Variants in NLGN4Y observed in about 807,000 individuals in gnomAD.
The protein encoded by NLGN4Y is neuroligin 4 Y-linked.
A neutral mutation model predicts 8.4 loss-of-function variants in NLGN4Y; 4 were observed. The ratio of observed to expected loss-of-function variants is 0.48; its 90% CI spans 0.23 to 1.09. NLGN4Y has a LOEUF of 1.09. Among genes scored for constraint, NLGN4Y ranks in the 50% least tolerant of loss-of-function variants. The pLI, the probability that NLGN4Y is intolerant of heterozygous loss-of-function variation, is 0.19. For missense variants in NLGN4Y, 90 were observed against 192.3 expected (o/e 0.47, Z 3.15); for synonymous variants, 35 against 75.6 (o/e 0.46, Z 2.78).
At chrY:14,553,788 T>C in intron 1 of NLGN4Y, among the ~76,000 whole-genome samples, 10 of 31,082 alleles carry the variant, frequency 3.2e-4, no homozygotes, top group African/African-American at 1.1e-3. Context: ...AACACTATAC[T>C]AAATTTTTAC....
chrY:14,686,152 G>A, intron 2 of NLGN4Y, among the ~76,000 whole-genome samples: 1 of 33,195 alleles, frequency 3.0e-5, no homozygotes, highest in African/African-American at 1.2e-4. Context: ...CTGATGAGCT[G>A]AGGGTCTTGT....
Position 14,622,208 on chromosome Y carries a change from C to G in NLGN4Y, c.89C>G (p.Thr30Ser). ...MLNSNVLLWI[T>S]ALAIKFTLID... Reference sequence around the variant, plus strand: ...AACTCCAATGTTCTTCTGTGGATAACTGCTCTTGCCATCAAGTTCACCCTC... The same window carrying G: ...AACTCCAATGTTCTTCTGTGGATAAGTGCTCTTGCCATCAAGTTCACCCTC... Residue 30 changes from threonine (T) to serine (S), a missense_variant, in exon 2 of 7, where the codon ACT becomes AGT. This residue lies in a region of NLGN4Y where 37 missense variants were observed against 38.5 expected (regional missense o/e 0.96). Transcript: ENST00000684976. The G allele has an allele frequency of 5.0e-6, 2 of 398,690 alleles. No individual in the cohort carries two copies. The highest frequency in any genetic ancestry group is 7.1e-6 in the Non-Finnish European group (2 of 283,259).
chrY:14,813,008 C>T (rs770983555), intron 4 of NLGN4Y, among the ~76,000 whole-genome samples: 2 of 29,128 alleles, frequency 6.9e-5, no homozygotes, highest in Admixed American at 3.3e-4. Context: ...CCTTCCCTCT[C>T]CCTGCTCCAT....
intron 4 of NLGN4Y, among the ~76,000 whole-genome samples, chrY:14,796,388 TC>T (rs2043009195): frequency 3.2e-5 from 1 of 30,990 alleles, no homozygotes; most frequent in African/African-American, 1.3e-4. Flanking sequence ...GGTCAGGAGA[TC>T]GAGACCATCC....
At chrY:14,567,528 T>A in intron 1 of NLGN4Y, among the ~76,000 whole-genome samples, 1 of 28,291 alleles carries the variant, frequency 3.5e-5, no homozygotes, top group Non-Finnish European at 8.4e-5. Context: ...GCCCAGATTT[T>A]TTTTTTTTTT....
chrY:14,723,973 C>A, intron 4 of NLGN4Y, among the ~76,000 whole-genome samples: 2 of 33,345 alleles, frequency 6.0e-5, no homozygotes, highest in South Asian at 1.3e-3. Context: ...TCTTAGATGA[C>A]CTTTCCTGCT....
intron 1 of NLGN4Y, among the ~76,000 whole-genome samples, chrY:14,544,452 T>C (rs2080161446): frequency 9.0e-5 from 3 of 33,252 alleles, no homozygotes; most frequent in Admixed American, 2.8e-4. Context: ...GTTTATACAA[T>C]TGATAATTAC....
At chrY:14,684,304 GC>G (rs2080781052) in intron 2 of NLGN4Y, among the ~76,000 whole-genome samples, 1 of 33,330 alleles carries the variant, frequency 3.0e-5, no homozygotes, top group Non-Finnish European at 7.4e-5. Flanking sequence ...CTGTGTCTTA[GC>G]CCATTTAGTT....
chrY:14,713,727 C>A, intron 2 of NLGN4Y, among the ~76,000 whole-genome samples: 1 of 33,893 alleles, frequency 3.0e-5, no homozygotes, highest in East Asian at 7.7e-4. Context: ...CATGAGCCAC[C>A]ATGTGCATAT....
chrY:14,737,282 C>T, intron 4 of NLGN4Y, among the ~76,000 whole-genome samples: 1 of 33,253 alleles, frequency 3.0e-5, no homozygotes, highest in Non-Finnish European at 7.4e-5. Flanking sequence ...GAGAAGTCCA[C>T]CTGACCTAAA....
intron 4 of NLGN4Y, among the ~76,000 whole-genome samples, chrY:14,750,441 G>A: frequency 3.0e-5 from 1 of 33,339 alleles, no homozygotes; most frequent in African/African-American, 1.2e-4. Context: ...CTTCCAGGGT[G>A]CTGGGAGTAA....
chrY:14,711,064 G>T, intron 2 of NLGN4Y, among the ~76,000 whole-genome samples: 1 of 33,382 alleles, frequency 3.0e-5, no homozygotes, highest in Non-Finnish European at 7.4e-5. Context: ...GTTGTTAATT[G>T]TAAATTTATT....
intron 3 of NLGN4Y, among the ~76,000 whole-genome samples, chrY:14,722,153 C>G: frequency 3.0e-5 from 1 of 33,152 alleles, no homozygotes; most frequent in Non-Finnish European, 7.4e-5. Flanking sequence ...GATGATGATA[C>G]TATAATCACT....
At chrY:14,808,051 A>T in intron 4 of NLGN4Y, among the ~76,000 whole-genome samples, 1 of 32,798 alleles carries the variant, frequency 3.0e-5, no homozygotes, top group Non-Finnish European at 7.5e-5. Flanking sequence ...GCTTTTTGAG[A>T]TGGAGTTTTT....
At position 14,611,391 on chromosome Y, in the gene NLGN4Y, CT is replaced by C. The variant is rs368127559; in HGVS notation, c.-111-10605del. On this transcript the variant is annotated intron_variant, in intron 1 of 6. Transcript: ENST00000684976. ...CAGTAGCTGATATCTTTTTTTTTTT[CT>C]TTTTTTTTTTTTGCCCCATATTTAG... Among the ~76,000 whole-genome samples the C allele has an allele frequency of 3.0e-3, 43 of 14,226 alleles. No homozygotes were observed. In the South Asian group the frequency reaches 0.041, roughly 14 times the overall value. 38.2% of individuals were successfully genotyped at this position (14,226 alleles called of 37,273 possible). A position where few individuals can be genotyped will look rare whatever the true frequency, so the allele number is the denominator to read the frequency against.
chrY:14,755,713 A>C (rs989785998), intron 4 of NLGN4Y, among the ~76,000 whole-genome samples: 42 of 33,224 alleles, frequency 1.3e-3, no homozygotes, highest in African/African-American at 5.0e-3. Context: ...GGTGGTGTGC[A>C]CTTGTAGTCC....
rs767242611 is a variant in NLGN4Y, at chrY:14,643,383, A to G, written c.472+20792A>G. Among the ~76,000 whole-genome samples, 5 of 33,590 alleles carry G rather than the reference A, an allele frequency of 1.5e-4. No individual in the cohort carries two copies. The East Asian group carries it at 4.0e-3, about 27-fold the overall frequency. 90.1% of individuals were successfully genotyped at this position (33,590 alleles called of 37,273 possible). ...GGATGTTTCTTTTTTTTTAGCTGAA[A>G]AGAAGCACTTGGACATTCAGAAATG... is the stretch of plus-strand genomic sequence containing the variant. On this transcript the variant is annotated intron_variant, in intron 2 of 6. Transcript: ENST00000684976.
chrY:14,589,240 T>C, intron 1 of NLGN4Y, among the ~76,000 whole-genome samples: 2 of 32,999 alleles, frequency 6.1e-5, no homozygotes, highest in African/African-American at 2.4e-4. Flanking sequence ...AGGTTCTCCA[T>C]GTCCCCATCA....
At chrY:14,714,060 G>C in intron 2 of NLGN4Y, among the ~76,000 whole-genome samples, 1 of 33,305 alleles carries the variant, frequency 3.0e-5, no homozygotes, top group African/African-American at 1.2e-4. Context: ...TTTTGAGGAA[G>C]GGTAGACATA....
Sources: allele counts gnomAD v4.1 joint callset (sites outside exome capture counted in the v4.1 genomes callset), GRCh38; gene constraint gnomAD v4.1.1; regional missense constraint gnomAD v4.1.1; transcripts MANE v1.5; gene names NCBI Gene and HGNC (gene_info 2026-07-23, HGNC 2026-07-21).